The following DPYD variants were observed in gnomAD, a reference collection of about 807,000 sequenced individuals.
DPYD encodes dihydropyrimidine dehydrogenase.
DPYD carries 109 observed loss-of-function variants against 116.2 expected under a neutral mutation model. The ratio of observed to expected loss-of-function variants is 0.94; its 90% CI spans 0.80 to 1.10. The LOEUF (loss-of-function observed/expected upper bound fraction) is 1.10. Ranked by LOEUF, DPYD falls within the 50% of genes least tolerant of loss-of-function variation. The pLI is 0.00. For synonymous variants in DPYD, 440 were observed against 432.0 expected, an observed-to-expected ratio of 1.02 and a Z score of -0.23; for missense variants, 1,302 against 1,254.5, an observed-to-expected ratio of 1.04 and a Z score of -0.57.
chr1:97,792,326 T>C (rs570885821), intron 3 of DPYD, among the ~76,000 whole-genome samples: 16 of 151,718 alleles, frequency 1.1e-4, no homozygotes, highest in African/African-American at 3.6e-4. Context: ...CAGGCTGGAG[T>C]GCAGTGGTGC....
At chr1:97,146,071 G>T (rs1414266935) in intron 20 of DPYD, among the ~76,000 whole-genome samples, 1 of 152,000 alleles carries the variant, frequency 6.6e-6, no homozygotes, top group Non-Finnish European at 1.5e-5. Flanking sequence ...TAGCCTTTGG[G>T]ACTTGTTTTG....
intron 13 of DPYD, among the ~76,000 whole-genome samples, chr1:97,483,675 G>T (rs937467232): frequency 2.0e-5 from 3 of 152,104 alleles, no homozygotes; most frequent in African/African-American, 7.2e-5. Flanking sequence ...AAGAGATGTG[G>T]CTTTTAAGAG....
chr1:97,298,558 T>TTTTTTTTTTTTTTTTTTTTGAG (rs1558009756), intron 18 of DPYD, among the ~76,000 whole-genome samples: 2 of 152,192 alleles, frequency 1.3e-5, no homozygotes, highest in African/African-American at 4.8e-5. Flanking sequence ...GATTTCTTCT[T>TTTTTTTTTTTTTTTTTTTTGAG]ATGTAATCAG....
intron 18 of DPYD, among the ~76,000 whole-genome samples, chr1:97,270,461 T>A (rs1481354626): frequency 3.9e-5 from 6 of 152,174 alleles, no homozygotes; most frequent in Non-Finnish European, 8.8e-5. Flanking sequence ...CTGTGAAAGA[T>A]CATTAACTAC....
chr1:97,090,320 C>T (rs137878059), intron 21 of DPYD, among the ~76,000 whole-genome samples: 110 of 152,230 alleles, frequency 7.2e-4, no homozygotes, highest in African/African-American at 2.5e-3. Context: ...TAGAGCTACC[C>T]TTTGGAATCA....
At chr1:97,081,884 T>C (rs1453410304) in intron 22 of DPYD, among the ~76,000 whole-genome samples, 1 of 152,092 alleles carries the variant, frequency 6.6e-6, no homozygotes, top group Non-Finnish European at 1.5e-5. Context: ...AAAGTGCTTC[T>C]TTCTGACTGT....
rs2101572533 is a variant in DPYD at position 97,853,606 on chromosome 1, A to C, written c.151-25410T>G. Among the ~76,000 whole-genome samples, 2 of 152,340 alleles carry C rather than the reference A, an allele frequency of 1.3e-5. 1 individual carries two copies. Among genetic ancestry groups the C allele is most frequent in the South Asian group, 4.1e-4 (2 of 4,828 alleles). ...GTAAATCTATTAAACCATATGAATA[A>C]ATTAACAGCTACAGTTTATTTAAAA... is the stretch of plus-strand genomic sequence containing the variant. On this transcript the variant is annotated intron_variant, in intron 2 of 22. Transcript: ENST00000370192.
intron 19 of DPYD, among the ~76,000 whole-genome samples, chr1:97,218,844 T>C (rs1660595227): frequency 6.6e-6 from 1 of 152,122 alleles, no homozygotes. Context: ...AACATGAGAC[T>C]AATTGTAAAT....
At chr1:97,118,044 GT>G (rs1279155144) in intron 20 of DPYD, among the ~76,000 whole-genome samples, 2 of 152,058 alleles carry the variant, frequency 1.3e-5, no homozygotes, top group African/African-American at 4.8e-5. Flanking sequence ...AAAGGATTCT[GT>G]TTTCATTCTT....
At chr1:97,233,442 C>T (rs1014640541) in intron 19 of DPYD, among the ~76,000 whole-genome samples, 1 of 152,008 alleles carries the variant, frequency 6.6e-6, no homozygotes, top group Non-Finnish European at 1.5e-5. Context: ...GGTGAGGGCT[C>T]ATTTTTGCCC....
chr1:97,575,940 T>C (rs1472105415), intron 10 of DPYD, among the ~76,000 whole-genome samples: 1 of 152,180 alleles, frequency 6.6e-6, no homozygotes, highest in Non-Finnish European at 1.5e-5. Context: ...ATTCTTCAGC[T>C]ATTCAATATC....
At chr1:97,773,136 T>C (rs1041910797) in intron 3 of DPYD, among the ~76,000 whole-genome samples, 2 of 152,204 alleles carry the variant, frequency 1.3e-5, no homozygotes, top group African/African-American at 2.4e-5. Context: ...TTACAATGCC[T>C]ATACCCCGCT....
rs1311471321 is a variant in DPYD at position 97,092,433 on chromosome 1, T to C, written c.2766+6056A>G. Among the ~76,000 whole-genome samples, 6 of 152,332 alleles carry C rather than the reference T, an allele frequency of 3.9e-5. No individual in the cohort carries two copies. In the East Asian group the frequency reaches 1.2e-3, roughly 29 times the overall value. ...AAACAATCGGTGCTTTCTGACCTTG[T>C]GGACCACTTTCCTATTCTTAAGACT... On this transcript the variant is annotated intron_variant, in intron 21 of 22. Transcript: ENST00000370192.
chr1:97,866,835 T>C (rs1377743666), intron 2 of DPYD, among the ~76,000 whole-genome samples: 1 of 151,674 alleles, frequency 6.6e-6, no homozygotes, highest in African/African-American at 2.4e-5. Context: ...AAAGAAAAGG[T>C]AGTGCAAATG....
chr1:97,587,529 G>A (rs370802981), intron 10 of DPYD, among the ~76,000 whole-genome samples: 7 of 152,030 alleles, frequency 4.6e-5, no homozygotes, highest in Middle Eastern at 3.2e-3. Context: ...GTTATCTGTA[G>A]AAAATACATG....
intron 15 of DPYD, among the ~76,000 whole-genome samples, chr1:97,376,279 T>C (rs1312357368): frequency 6.6e-6 from 1 of 152,210 alleles, no homozygotes; most frequent in Non-Finnish European, 1.5e-5. Flanking sequence ...TGGCTGGAGT[T>C]GTCATAGTGT....
At chr1:97,735,791 A>C (rs570826887) in intron 4 of DPYD, among the ~76,000 whole-genome samples, 2 of 151,556 alleles carry the variant, frequency 1.3e-5, no homozygotes, top group African/African-American at 4.8e-5. Context: ...AGCACAAAAA[A>C]CTCTTAGAAA....
At chr1:97,468,004 AAAG>A (rs1414048948) in intron 13 of DPYD, among the ~76,000 whole-genome samples, 2 of 152,166 alleles carry the variant, frequency 1.3e-5, no homozygotes, top group African/African-American at 4.8e-5. Context: ...CTCCTATGGT[AAAG>A]AGTCAGATGA....
chr1:97,471,158 A>G (rs1346156051), intron 13 of DPYD, among the ~76,000 whole-genome samples: 2 of 152,206 alleles, frequency 1.3e-5, no homozygotes, highest in African/African-American at 4.8e-5. Flanking sequence ...TTATATGCCT[A>G]CTTCACTGAT....
Sources: gnomAD v4.1 joint callset for allele counts (sites outside exome capture counted in the v4.1 genomes callset) on GRCh38, gnomAD v4.1.1 for gene constraint, MANE v1.5 for transcripts, NCBI Gene and HGNC (gene_info 2026-07-23, HGNC 2026-07-21) for gene names.